INSYN2B: variants seen among roughly 807,000 people sequenced by gnomAD.
INSYN2B encodes the protein protein INSYN2B.
In INSYN2B, 16 loss-of-function variants were observed where a neutral mutation model predicts 41.2. The observed-to-expected ratio is 0.39, with a 90% CI of 0.26 to 0.59. The LOEUF is 0.59. Ranked by LOEUF, INSYN2B falls within the 20% of genes least tolerant of loss-of-function variation. The pLI is 0.57. For missense variants in INSYN2B, 608 were observed against 646.4 expected (o/e 0.94, Z 0.64); for synonymous variants, 245 against 244.4 (o/e 1.00, Z -0.02).
At chr5:169,920,830 C>T (rs1775131745) in intron 1 of INSYN2B, among the ~76,000 whole-genome samples, 1 of 149,296 alleles carries the variant, frequency 6.7e-6, no homozygotes, top group Non-Finnish European at 1.5e-5. Flanking sequence ...GATGGCTCTT[C>T]TTGTCTTTCT....
At chr5:169,945,822 G>A (rs925872341) in intron 1 of INSYN2B, among the ~76,000 whole-genome samples, 2 of 152,152 alleles carry the variant, frequency 1.3e-5, no homozygotes, top group African/African-American at 2.4e-5. Flanking sequence ...ATTCGCCCAC[G>A]GCCTCCGTCC....
intron 1 of INSYN2B, among the ~76,000 whole-genome samples, chr5:169,972,606 A>C (rs889105319): frequency 1.1e-5 from 1 of 93,604 alleles, no homozygotes; most frequent in African/African-American, 3.7e-5. Flanking sequence ...ATAGATAGAT[A>C]GATAGATAGA....
At chr5:169,974,080 C>T (rs1319326754) in intron 1 of INSYN2B, among the ~76,000 whole-genome samples, 1 of 152,116 alleles carries the variant, frequency 6.6e-6, no homozygotes, top group Non-Finnish European at 1.5e-5. Flanking sequence ...TAAGATCATA[C>T]CATGGTTGCA....
At chr5:169,979,505 G>T (rs1006694666) in intron 1 of INSYN2B, among the ~76,000 whole-genome samples, 1 of 152,154 alleles carries the variant, frequency 6.6e-6, no homozygotes, top group Non-Finnish European at 1.5e-5. Context: ...ATGACAGAAA[G>T]GAGACTTTTC....
intron 1 of INSYN2B, among the ~76,000 whole-genome samples, chr5:169,907,073 C>G (rs1581396564): frequency 6.6e-6 from 1 of 152,086 alleles, no homozygotes; most frequent in East Asian, 1.9e-4. Context: ...TGAAAAGATG[C>G]CAAACATAAA....
intron 1 of INSYN2B, among the ~76,000 whole-genome samples, chr5:169,964,917 G>C (rs143536318): frequency 6.6e-6 from 1 of 152,166 alleles, no homozygotes; most frequent in Non-Finnish European, 1.5e-5. Flanking sequence ...AGTCTCCGTC[G>C]CTCATGACTA....
At chr5:169,976,900 G>A (rs930776821) in intron 1 of INSYN2B, among the ~76,000 whole-genome samples, 1 of 152,214 alleles carries the variant, frequency 6.6e-6, no homozygotes, top group African/African-American at 2.4e-5. Flanking sequence ...CTGTTTTCCT[G>A]TGATGCTATG....
chr5:169,930,361 T>A (rs1775688257), intron 1 of INSYN2B, among the ~76,000 whole-genome samples: 1 of 152,158 alleles, frequency 6.6e-6, no homozygotes, highest in South Asian at 2.1e-4. Context: ...TGGCTTTAGT[T>A]CTCCTTATGC....
At chr5:169,885,130 C>T (rs984296073) in intron 1 of INSYN2B, among the ~76,000 whole-genome samples, 5 of 152,208 alleles carry the variant, frequency 3.3e-5, no homozygotes, top group Admixed American at 3.3e-4. Flanking sequence ...CTCACACACC[C>T]AGTGCCAAGA....
In INSYN2B at chr5:169,861,623, T is replaced by C. The variant is rs147659441; in HGVS notation, c.*2650A>G. 2.6e-5 allele frequency among the ~76,000 whole-genome samples: 4 copies of C among 152,216 alleles called. No homozygotes were observed. Among genetic ancestry groups the C allele is most frequent in the African/African-American group, 9.6e-5 (4 of 41,460 alleles). On this transcript the variant is annotated 3_prime_UTR_variant, in exon 4 of 4. Coordinates refer to ENST00000377365, the MANE Select transcript of INSYN2B (RefSeq NM_001129891.3). Reference sequence around the variant, plus strand: ...ACAGCATTTCTGTAGAATATCATGGTAGATGTTACGTAATATTTTACAAAG... The same window carrying C: ...ACAGCATTTCTGTAGAATATCATGGCAGATGTTACGTAATATTTTACAAAG...
chr5:169,887,351 C>T (rs542199723), intron 1 of INSYN2B, among the ~76,000 whole-genome samples: 1 of 151,988 alleles, frequency 6.6e-6, no homozygotes, highest in African/African-American at 2.4e-5. Context: ...TCAAATAATA[C>T]AAATAAACAA....
chr5:169,967,086 A>G (rs1777329378), intron 1 of INSYN2B, among the ~76,000 whole-genome samples: 1 of 152,198 alleles, frequency 6.6e-6, no homozygotes, highest in African/African-American at 2.4e-5. Context: ...GGATAAAGAG[A>G]TAAGGAGAAA....
At chr5:169,898,710 C>CT (rs1278353218) in intron 1 of INSYN2B, among the ~76,000 whole-genome samples, 3 of 152,102 alleles carry the variant, frequency 2.0e-5, no homozygotes, top group African/African-American at 4.8e-5. Context: ...GCCATGTGGT[C>CT]TTTTTTCAAG....
intron 1 of INSYN2B, among the ~76,000 whole-genome samples, chr5:169,919,851 G>A (rs6869528): frequency 0.33 from 50,918 of 152,038 alleles, 9,255 homozygotes; most frequent in South Asian, 0.4. Context: ...ATGCTTTAAA[G>A]GTGGAAACTT....
At chr5:169,942,689 CAGAG>C (rs1425389676) in intron 1 of INSYN2B, among the ~76,000 whole-genome samples, 2 of 152,118 alleles carry the variant, frequency 1.3e-5, no homozygotes, top group Non-Finnish European at 2.9e-5. Flanking sequence ...GCAAGCAGTA[CAGAG>C]AAATAGAGGA....
At chr5:169,877,390 G>A (rs950218348) in intron 3 of INSYN2B, among the ~76,000 whole-genome samples, 1 of 152,196 alleles carries the variant, frequency 6.6e-6, no homozygotes, top group Non-Finnish European at 1.5e-5. Context: ...AATGATGAGA[G>A]CCTTTTCTGA....
At chr5:169,871,044 G>A (rs753157396) in intron 3 of INSYN2B, among the ~76,000 whole-genome samples, 1 of 152,182 alleles carries the variant, frequency 6.6e-6, no homozygotes, top group Non-Finnish European at 1.5e-5. Flanking sequence ...TCACGTGGCA[G>A]AAAGGGGAGA....
chr5:169,880,738 A>C (rs1772593044), intron 3 of INSYN2B, among the ~76,000 whole-genome samples: 10 of 152,208 alleles, frequency 6.6e-5, no homozygotes, highest in Admixed American at 5.2e-4. Context: ...AGCCCAGATT[A>C]AGTTAGCTGA....
intron 1 of INSYN2B, among the ~76,000 whole-genome samples, chr5:169,895,157 T>C (rs1323168557): frequency 1.3e-5 from 2 of 152,220 alleles, no homozygotes; most frequent in African/African-American, 4.8e-5. Context: ...GCCTCTCACC[T>C]GATGGGCTCA....
Sources: gnomAD v4.1 joint callset for allele counts (sites outside exome capture counted in the v4.1 genomes callset) on GRCh38, gnomAD v4.1.1 for gene constraint, MANE v1.5 for transcripts, NCBI Gene and HGNC (gene_info 2026-07-23, HGNC 2026-07-21) for gene names.